The following APBB2 variants were observed in gnomAD, a reference collection of about 807,000 sequenced individuals.
APBB2 encodes the protein amyloid beta precursor protein binding family B member 2, also known as Fe65-like 1.
In APBB2, 38 loss-of-function variants were observed where a neutral mutation model predicts 82.5. The ratio of observed to expected loss-of-function variants is 0.46; its 90% CI spans 0.36 to 0.60. APBB2 has a LOEUF of 0.60. APBB2 is among the 20% of genes least tolerant of loss of function. APBB2 has a pLI of 0.00. For missense variants in APBB2, 772 were observed against 972.3 expected, an observed-to-expected ratio of 0.79 and a Z score of 2.74; for synonymous variants, 341 against 368.2, an observed-to-expected ratio of 0.93 and a Z score of 0.85.
intron 1 of APBB2, among the ~76,000 whole-genome samples, chr4:41,160,505 G>A (rs16852833): frequency 0.02 from 3,076 of 152,228 alleles, 89 homozygotes; most frequent in African/African-American, 0.071. Flanking sequence ...CAGCAGTTAG[G>A]AGACCCAGGT....
At chr4:41,152,027 G>A (rs1312744680) in intron 1 of APBB2, among the ~76,000 whole-genome samples, 1 of 151,662 alleles carries the variant, frequency 6.6e-6, no homozygotes, top group African/African-American at 2.4e-5. Flanking sequence ...AACTACTTTC[G>A]TTTTTCTTCT....
chr4:40,893,262 T>G lies in APBB2; in HGVS notation c.1401+3A>C. The G allele has an allele frequency of 1.2e-6, 2 of 1,613,086 alleles. No individual in the cohort carries two copies. Among genetic ancestry groups the G allele is most frequent in the Middle Eastern group, 3.3e-4 (2 of 6,060 alleles). ...GCCGTGCATCATTCTACATGCCACT[T>G]ACCTCTCCCCAAATCCCGACTGTGT... is the stretch of plus-strand genomic sequence containing the variant. On this transcript the variant is annotated splice_donor_region_variant and intron_variant, in intron 11 of 17. Coordinates refer to ENST00000508593, the MANE Select transcript of APBB2 (RefSeq NM_004307.2).
chr4:40,967,373 A>G (rs13125877), intron 6 of APBB2, among the ~76,000 whole-genome samples: 7,803 of 152,268 alleles, frequency 0.051, 323 homozygotes, highest in Non-Finnish European at 0.084. Flanking sequence ...CGTTGCAGGC[A>G]ATGAGAAAAA....
At chr4:41,011,530 A>G (rs1808372258) in intron 6 of APBB2, among the ~76,000 whole-genome samples, 1 of 152,036 alleles carries the variant, frequency 6.6e-6, no homozygotes, top group African/African-American at 2.4e-5. Context: ...TCATAGGTTC[A>G]AGCAATTCTT....
intron 17 of APBB2, among the ~76,000 whole-genome samples, chr4:40,818,763 T>A (rs1216555639): frequency 2.6e-5 from 4 of 152,200 alleles, no homozygotes; most frequent in Admixed American, 2.0e-4. Context: ...TGACACCAGA[T>A]AACAAGTGTT....
rs762740147 is a variant in APBB2, at chr4:41,013,981, G to A, written c.437C>T (p.Ser146Leu). 18 of 1,614,056 alleles carry A rather than the reference G, an allele frequency of 1.1e-5. No homozygotes were observed. The highest frequency in any genetic ancestry group is 4.5e-5 in the East Asian group (2 of 44,890). ...CTGGGAGGGTAAAATCTCACAGCTC[G>A]AGGAATCCTGTGGGTGGGGCTCTTT... The part of the protein sequence containing the change: ...EGKEPHPQDS[S>L]SCEILPSQPR... Residue 146 changes from serine (S) to leucine (L), a missense_variant, in exon 6 of 18, where the codon TCG becomes TTG. Coordinates refer to ENST00000508593, the MANE Select transcript of APBB2 (RefSeq NM_004307.2).
At chr4:41,085,914 T>C (rs1739488134) in intron 3 of APBB2, among the ~76,000 whole-genome samples, 1 of 150,942 alleles carries the variant, frequency 6.6e-6, no homozygotes, top group South Asian at 2.1e-4. Flanking sequence ...CAAGAGGTGG[T>C]TCTTTGAAAA....
intron 6 of APBB2, among the ~76,000 whole-genome samples, chr4:40,954,713 G>C (rs1791115735): frequency 1.3e-5 from 2 of 152,120 alleles, no homozygotes; most frequent in African/African-American, 4.8e-5. Context: ...ACCCAGGCTG[G>C]AGTGCAGTGG....
chr4:40,881,452 A>G, intron 12 of APBB2: 3 of 892,648 alleles, frequency 3.4e-6, no homozygotes, highest in Non-Finnish European at 4.0e-6. Flanking sequence ...AGAAACAGAG[A>G]TAACTTTCAG....
intron 4 of APBB2, among the ~76,000 whole-genome samples, chr4:41,052,930 A>G (rs1275446925): frequency 1.3e-5 from 2 of 151,804 alleles, no homozygotes; most frequent in Admixed American, 6.6e-5. Context: ...CACTGGGCCA[A>G]TTTTTTATAT....
chr4:41,174,572 G>A (rs1186148002), intron 1 of APBB2, among the ~76,000 whole-genome samples: 1 of 152,096 alleles, frequency 6.6e-6, no homozygotes, highest in Non-Finnish European at 1.5e-5. Context: ...TTGCCCATGA[G>A]GTAAGTACAA....
chr4:40,881,529 T>TTTTA, intron 12 of APBB2: 1 of 145,008 alleles, frequency 6.9e-6, no homozygotes, highest in Non-Finnish European at 9.2e-6. Context: ...TTTTCTTTTC[T>TTTTA]TTTTCTTTTT....
chr4:40,989,086 A>G (rs1203376907), intron 6 of APBB2, among the ~76,000 whole-genome samples: 3 of 152,098 alleles, frequency 2.0e-5, no homozygotes, highest in Non-Finnish European at 4.4e-5. Flanking sequence ...TAGAATTTGC[A>G]ATGTTCATAA....
rs1453072666 is a variant in APBB2, at chr4:41,014,322, T to C, written c.96A>G (p.Pro32=). The C allele has an allele frequency of 1.9e-6, 3 of 1,614,066 alleles. No homozygotes were observed. The highest frequency in any genetic ancestry group is 2.5e-6 in the Non-Finnish European group (3 of 1,180,048). ...GTTDVTNRNS[P]ATPPNTLNLR... is the part of the protein sequence containing the mutation. The stretch of plus-strand genomic sequence containing the variant: ...GGTTAAGGGTGTTTGGTGGTGTGGC[T>C]GGGCTGTTCCGATTTGTGACGTCTG... Residue 32 remains proline, a synonymous_variant, in exon 6 of 18, where the codon CCA becomes CCG. Transcript: ENST00000508593.
intron 5 of APBB2, among the ~76,000 whole-genome samples, chr4:41,014,879 C>T (rs1267878190): frequency 6.6e-6 from 1 of 152,190 alleles, no homozygotes; most frequent in Non-Finnish European, 1.5e-5. Context: ...CTCCATACAT[C>T]CAAGGTAATT....
chr4:40,842,061 G>GCC (rs1207607246), intron 12 of APBB2, among the ~76,000 whole-genome samples: 1 of 152,114 alleles, frequency 6.6e-6, no homozygotes, highest in African/African-American at 2.4e-5. Flanking sequence ...TTCACTCCCT[G>GCC]CCACACTGAT....
At chr4:40,876,880 T>A (rs1170953898) in intron 12 of APBB2, among the ~76,000 whole-genome samples, 1 of 152,222 alleles carries the variant, frequency 6.6e-6, no homozygotes, top group Non-Finnish European at 1.5e-5. Flanking sequence ...TATACCATGG[T>A]CTGTTTATCT....
intron 1 of APBB2, among the ~76,000 whole-genome samples, chr4:41,152,549 C>T (rs576728123): frequency 3.9e-5 from 6 of 152,084 alleles, no homozygotes; most frequent in East Asian, 1.9e-4. Flanking sequence ...AGGATGGTCT[C>T]GATCTCCTGA....
chr4:40,885,977 G>C (rs534245457), intron 12 of APBB2, among the ~76,000 whole-genome samples: 58 of 152,144 alleles, frequency 3.8e-4, no homozygotes, highest in Admixed American at 8.5e-4. Flanking sequence ...ATCACTGATA[G>C]GGAAGCCTCT....
Sources: allele counts gnomAD v4.1 joint callset (sites outside exome capture counted in the v4.1 genomes callset), GRCh38; gene constraint gnomAD v4.1.1; transcripts MANE v1.5; gene names NCBI Gene and HGNC (gene_info 2026-07-23, HGNC 2026-07-21).